The following CAPZB variants were observed in gnomAD, a reference collection of about 807,000 sequenced individuals.
The protein encoded by CAPZB is F-actin-capping protein subunit beta.
Under a neutral mutation model 38.1 loss-of-function variants are expected in CAPZB, and 2 were observed. The observed-to-expected ratio is 0.05, with a 90% CI of 0.02 to 0.17. CAPZB has a LOEUF of 0.17. Among genes scored for constraint, CAPZB ranks in the 10% least tolerant of loss-of-function variants. CAPZB has a pLI of 1.00. For synonymous variants in CAPZB, 107 were observed against 127.4 expected (o/e 0.84, Z 1.08); for missense variants, 161 against 334.2 (o/e 0.48, Z 4.04).
chr1:19,346,452 T>TAAAAAAAAAAA (rs200968507), intron 6 of CAPZB, among the ~76,000 whole-genome samples: 4 of 73,280 alleles, frequency 5.5e-5, no homozygotes, highest in East Asian at 4.1e-4. Flanking sequence ...TGAGAGAAGC[T>TAAAAAAAAAAA]AAAAAAAAAA....
chr1:19,388,199 C>T (rs1199578008), intron 2 of CAPZB, among the ~76,000 whole-genome samples: 1 of 152,224 alleles, frequency 6.6e-6, no homozygotes, highest in African/African-American at 2.4e-5. Context: ...GAATCGAAAG[C>T]ATCTGAGTAA....
At position 19,390,721 on chromosome 1, in the gene CAPZB, A is replaced by T. The variant is rs4912083; in HGVS notation, c.94-5095T>A. ...TGGGTAAAGTGAACTAGGGCAGGGA[A>T]AAGAAAAAACCCCAGAAGGTAGAAG... is the stretch of plus-strand genomic sequence containing the variant. On this transcript the variant is annotated intron_variant, in intron 2 of 8. Transcript: ENST00000264202. Among the ~76,000 whole-genome samples the T allele has an allele frequency of 3.9e-5, 6 of 151,904 alleles. No individual in the cohort carries two copies. In the South Asian group the frequency reaches 1.2e-3, roughly 32 times the overall value.
intron 1 of CAPZB, among the ~76,000 whole-genome samples, chr1:19,451,306 T>C (rs1159412177): frequency 2.0e-5 from 3 of 152,032 alleles, no homozygotes; most frequent in East Asian, 1.9e-4. Flanking sequence ...AAAAGGGGAA[T>C]GGTAGAGGCA....
intron 2 of CAPZB, among the ~76,000 whole-genome samples, chr1:19,389,429 GT>G (rs58929734): frequency 0.34 from 50,575 of 150,290 alleles, 8,435 homozygotes; most frequent in Middle Eastern, 0.4. Context: ...TGGGTCGTGT[GT>G]TTTTTTTTTC....
At chr1:19,482,508 A>C (rs6669110) in intron 1 of CAPZB, among the ~76,000 whole-genome samples, 60,174 of 152,106 alleles carry the variant, frequency 0.4, 12,173 homozygotes, top group Middle Eastern at 0.54. Flanking sequence ...ATAACTAAGA[A>C]TAATTCCCAA....
At chr1:19,378,126 T>A (rs1383538191) in intron 4 of CAPZB, among the ~76,000 whole-genome samples, 1 of 152,242 alleles carries the variant, frequency 6.6e-6, no homozygotes, top group African/African-American at 2.4e-5. Context: ...TGTCTTAATT[T>A]CTTAATCTGA....
At chr1:19,429,065 G>A (rs568264212) in intron 1 of CAPZB, among the ~76,000 whole-genome samples, 1 of 152,308 alleles carries the variant, frequency 6.6e-6, no homozygotes, top group East Asian at 1.9e-4. Context: ...CAATGCAAAT[G>A]ATCACAGGAC....
At chr1:19,466,739 A>G (rs1336533225) in intron 1 of CAPZB, among the ~76,000 whole-genome samples, 1 of 152,210 alleles carries the variant, frequency 6.6e-6, no homozygotes, top group Non-Finnish European at 1.5e-5. Flanking sequence ...GTGCAGGCCA[A>G]TGGGGTTTAA....
intron 1 of CAPZB, among the ~76,000 whole-genome samples, chr1:19,474,113 A>G (rs929731508): frequency 6.6e-6 from 1 of 151,754 alleles, no homozygotes; most frequent in Non-Finnish European, 1.5e-5. Context: ...CTCCCACCTC[A>G]GCCTCCCAAG....
intron 4 of CAPZB, among the ~76,000 whole-genome samples, chr1:19,368,315 G>A (rs214320): frequency 2.5e-3 from 381 of 152,190 alleles, no homozygotes; most frequent in African/African-American, 8.7e-3. Context: ...ATGCCCGTAT[G>A]AAGCCACACC....
chr1:19,365,388 G>A (rs1240187917), intron 4 of CAPZB, among the ~76,000 whole-genome samples: 2 of 152,198 alleles, frequency 1.3e-5, no homozygotes, highest in African/African-American at 2.4e-5. Context: ...AGGAGACTGT[G>A]CAAATGAGGA....
At chr1:19,367,405 G>A (rs2094095304) in intron 4 of CAPZB, among the ~76,000 whole-genome samples, 1 of 152,240 alleles carries the variant, frequency 6.6e-6, no homozygotes, top group Admixed American at 6.5e-5. Context: ...ACCTCGACGT[G>A]TTGTGAGCTG....
intron 2 of CAPZB, among the ~76,000 whole-genome samples, chr1:19,393,299 A>G (rs2094247616): frequency 6.6e-6 from 1 of 152,236 alleles, no homozygotes; most frequent in Admixed American, 6.5e-5. Context: ...GACGGGAAGC[A>G]GCTGTGCTCC....
chr1:19,447,203 G>A (rs1255962577), intron 1 of CAPZB, among the ~76,000 whole-genome samples: 2 of 151,486 alleles, frequency 1.3e-5, no homozygotes, highest in African/African-American at 4.9e-5. Context: ...GTTTTAAAGT[G>A]GGAAAGAAAA....
At chr1:19,406,157 A>C (rs1244031053) in intron 2 of CAPZB, among the ~76,000 whole-genome samples, 6 of 152,254 alleles carry the variant, frequency 3.9e-5, no homozygotes, top group African/African-American at 1.4e-4. Flanking sequence ...GTGAATAAGA[A>C]GTGTCCGGCC....
At chr1:19,423,046 C>T (rs2094407725) in intron 1 of CAPZB, among the ~76,000 whole-genome samples, 1 of 119,490 alleles carries the variant, frequency 8.4e-6, no homozygotes, top group African/African-American at 3.7e-5. Flanking sequence ...CATCCCCACC[C>T]CGCAAGGGGC....
chr1:19,413,992 G>A lies in CAPZB; in HGVS notation c.93+5669C>T, dbSNP rs187801406. 6.1e-3 allele frequency among the ~76,000 whole-genome samples: 922 copies of A among 152,310 alleles called. 10 individuals are homozygous for A. The highest frequency in any genetic ancestry group is 9.1e-3 in the Non-Finnish European group (620 of 68,018). On this transcript the variant is annotated intron_variant, in intron 2 of 8. Transcript: ENST00000264202. Reference sequence around the variant, plus strand: ...ACATCAGATATTCTGCTAATCAATCGTATTAATGAACTATTGACTAATAGT... The same window carrying A: ...ACATCAGATATTCTGCTAATCAATCATATTAATGAACTATTGACTAATAGT...
At chr1:19,346,764 C>T (rs997048103) in intron 6 of CAPZB, among the ~76,000 whole-genome samples, 22 of 151,278 alleles carry the variant, frequency 1.5e-4, no homozygotes, top group African/African-American at 5.3e-4. Context: ...GCAAAACCGA[C>T]CTGTGATTGA....
In CAPZB at chr1:19,427,899, GTTTT is replaced by G. The variant is rs367662838; in HGVS notation, c.4-8153_4-8150del. On this transcript the variant is annotated intron_variant, in intron 1 of 8. Transcript: ENST00000264202. ...GTCAATGTCATCTTTTTAAATTGAGGTTTTTTTGTTTGTTTTGTTTTTTAAAAAC... is the reference window on the plus strand; with the variant it reads ...GTCAATGTCATCTTTTTAAATTGAGGTTTGTTTGTTTTGTTTTTTAAAAAC... Among the ~76,000 whole-genome samples the G allele has an allele frequency of 6.5e-3, 986 of 152,246 alleles. 13 individuals carry two copies. Among genetic ancestry groups the G allele is most frequent in the African/African-American group, 0.022 (926 of 41,536 alleles).
Sources: gnomAD v4.1 joint callset for allele counts (sites outside exome capture counted in the v4.1 genomes callset) on GRCh38, gnomAD v4.1.1 for gene constraint, MANE v1.5 for transcripts, NCBI Gene and HGNC (gene_info 2026-07-23, HGNC 2026-07-21) for gene names.